Variants in PRMT8 observed in about 807,000 individuals in gnomAD.
The protein encoded by PRMT8 is protein arginine methyltransferase 8, also known as protein arginine N-methyltransferase 8.
Under a neutral mutation model 47.1 loss-of-function variants are expected in PRMT8, and 7 were observed. The observed-to-expected ratio is 0.15, with a 90% confidence interval of 0.08 to 0.28. The LOEUF (loss-of-function observed/expected upper bound fraction) is 0.28, where lower values mean the gene tolerates loss of function less well. PRMT8 is among the 10% of genes least tolerant of loss of function. The pLI, the probability that PRMT8 is intolerant of heterozygous loss-of-function variation, is 1.00. For missense variants in PRMT8, 237 were observed against 505.4 expected (o/e 0.47, Z 5.09); for synonymous variants, 188 against 186.5 (o/e 1.01, Z -0.07).
chr12:3,442,780 T>C (rs1463704577), intron 1 of PRMT8, among the ~76,000 whole-genome samples: 1 of 152,176 alleles, frequency 6.6e-6, no homozygotes, highest in Admixed American at 6.5e-5. Context: ...TGCGTCAGCC[T>C]CCTGAGTAGC....
intron 1 of PRMT8, among the ~76,000 whole-genome samples, chr12:3,517,705 A>C (rs985394571): frequency 6.6e-6 from 1 of 151,904 alleles, no homozygotes; most frequent in African/African-American, 2.4e-5. Context: ...AGAAACTGAA[A>C]TTCTAGGCCT....
chr12:3,498,128 G>A (rs1314045224), intron 1 of PRMT8, among the ~76,000 whole-genome samples: 1 of 152,082 alleles, frequency 6.6e-6, no homozygotes, highest in East Asian at 1.9e-4. Context: ...TAAAATGCTC[G>A]CTTATTACAT....
rs1341136995 is a variant in PRMT8, at chr12:3,494,222, A to G, written c.75+2522A>G. ...GGAAAGCTAGGTACCCAAGTTCCAAACATGAGGACCACCTGGTCCCTCCTC... is the reference window on the plus strand; with the variant it reads ...GGAAAGCTAGGTACCCAAGTTCCAAGCATGAGGACCACCTGGTCCCTCCTC... On this transcript the variant is annotated intron_variant, in intron 1 of 9. Coordinates refer to ENST00000382622, the MANE Select transcript of PRMT8 (RefSeq NM_019854.5). Among the ~76,000 whole-genome samples, 6 of 152,118 alleles carry G rather than the reference A, an allele frequency of 3.9e-5. No homozygotes were observed. The East Asian group carries it at 9.6e-4, about 24-fold the overall frequency.
At chr12:3,495,836 A>G (rs866376291) in intron 1 of PRMT8, among the ~76,000 whole-genome samples, 3 of 152,290 alleles carry the variant, frequency 2.0e-5, no homozygotes, top group Middle Eastern at 3.4e-3. Context: ...TGCTGTACTT[A>G]GTTGCTGTGA....
intron 1 of PRMT8, among the ~76,000 whole-genome samples, chr12:3,507,180 G>A (rs896079991): frequency 2.1e-4 from 31 of 145,732 alleles, no homozygotes; most frequent in African/African-American, 7.7e-4. Context: ...GGAGTGCAGT[G>A]GCGCCATCTC....
intron 1 of PRMT8, among the ~76,000 whole-genome samples, chr12:3,526,416 T>A (rs1031967610): frequency 6.6e-6 from 1 of 152,232 alleles, no homozygotes; most frequent in African/African-American, 2.4e-5. Context: ...AATACTATAC[T>A]TAATTTTTTG....
intron 1 of PRMT8, among the ~76,000 whole-genome samples, chr12:3,462,454 A>G (rs1485743872): frequency 6.6e-6 from 1 of 152,010 alleles, no homozygotes; most frequent in Non-Finnish European, 1.5e-5. Flanking sequence ...CTTGCTACTC[A>G]TTGTTAAACT....
chr12:3,401,786 C>G (rs368442549), intron 1 of PRMT8, among the ~76,000 whole-genome samples: 12 of 152,018 alleles, frequency 7.9e-5, no homozygotes, highest in African/African-American at 2.9e-4. Context: ...AAGTAATGGA[C>G]CTCTTCAAGG....
intron 4 of PRMT8, among the ~76,000 whole-genome samples, chr12:3,568,088 AT>A (rs1456914986): frequency 2.0e-5 from 3 of 151,728 alleles, no homozygotes; most frequent in East Asian, 1.9e-4. Context: ...AAAAAAAAAA[AT>A]TAACACATAT....
chr12:3,384,055 T>G (rs185891636), intron 1 of PRMT8, among the ~76,000 whole-genome samples: 1 of 152,330 alleles, frequency 6.6e-6, no homozygotes, highest in Non-Finnish European at 1.5e-5. Flanking sequence ...TTCACATACC[T>G]TTTATTTCCT....
intron 1 of PRMT8, among the ~76,000 whole-genome samples, chr12:3,458,726 T>C (rs10848865): frequency 0.51 from 77,679 of 152,102 alleles, 21,810 homozygotes; most frequent in Non-Finnish European, 0.63. Flanking sequence ...ACTCAATGTC[T>C]GCTCTAACTG....
chr12:3,586,785 C>T (rs183630810), intron 8 of PRMT8, among the ~76,000 whole-genome samples: 42 of 152,352 alleles, frequency 2.8e-4, no homozygotes, highest in Non-Finnish European at 6.0e-4. Context: ...TGACTTTCTT[C>T]TGGAAAGGCT....
At chr12:3,531,654 C>T (rs1023779043) in intron 1 of PRMT8, among the ~76,000 whole-genome samples, 2 of 152,162 alleles carry the variant, frequency 1.3e-5, no homozygotes, top group Non-Finnish European at 2.9e-5. Flanking sequence ...CGCCTGTGCA[C>T]AGCATGCAGC....
chr12:3,381,413 G>T (rs1403915131), exon 1 of PRMT8: 2 of 1,536,140 alleles, frequency 1.3e-6, no homozygotes, highest in Non-Finnish European at 1.7e-6. Flanking sequence ...TCTGGCTTCA[G>T]ATGGATTCAA....
intron 1 of PRMT8, among the ~76,000 whole-genome samples, chr12:3,478,236 T>C (rs1262278414): frequency 6.6e-6 from 1 of 152,096 alleles, no homozygotes; most frequent in Non-Finnish European, 1.5e-5. Flanking sequence ...ATCCATCATA[T>C]ATTTATATCT....
chr12:3,469,733 A>G (rs1865139298), intron 1 of PRMT8, among the ~76,000 whole-genome samples: 1 of 152,216 alleles, frequency 6.6e-6, no homozygotes, highest in Non-Finnish European at 1.5e-5. Flanking sequence ...AATTTTTAAA[A>G]AGTGGAAAAA....
At chr12:3,511,439 A>G (rs1485001047) in intron 1 of PRMT8, among the ~76,000 whole-genome samples, 1 of 152,218 alleles carries the variant, frequency 6.6e-6, no homozygotes, top group Non-Finnish European at 1.5e-5. Flanking sequence ...ACTTGGACAA[A>G]GGACGTGACT....
chr12:3,573,032 G>T (rs944487648), intron 6 of PRMT8, among the ~76,000 whole-genome samples: 2 of 152,034 alleles, frequency 1.3e-5, no homozygotes, highest in Non-Finnish European at 2.9e-5. Flanking sequence ...GGATTGTTTC[G>T]TTAGTTTAGA....
In PRMT8 at chr12:3,508,872, C is replaced by T. The variant is rs1217797247; in HGVS notation, c.75+17172C>T. On this transcript the variant is annotated intron_variant, in intron 1 of 9. Coordinates refer to ENST00000382622, the MANE Select transcript of PRMT8 (RefSeq NM_019854.5). This position sits in a 1 kb window ranked among gnomAD's most constrained non-coding sequence, Gnocchi z 4.9. ...CCCAGCTCCTGCCATTCTCACTTTT[C>T]TTGGTAATAAGTCACCAAAATCACA... 6.6e-6 allele frequency among the ~76,000 whole-genome samples: 1 copy of T among 152,214 alleles called. No homozygotes were observed. The highest frequency in any genetic ancestry group is 2.4e-5 in the African/African-American group (1 of 41,448).
Sources: gnomAD v4.1 joint callset for allele counts (sites outside exome capture counted in the v4.1 genomes callset) on GRCh38, gnomAD v4.1.1 for gene constraint, Gnocchi (gnomAD v3.1) non-coding constraint, MANE v1.5 for transcripts, NCBI Gene and HGNC (gene_info 2026-07-23, HGNC 2026-07-21) for gene names.